Variants in ADCY9 observed in about 807,000 individuals in gnomAD.
The protein encoded by ADCY9 is adenylate cyclase 9.
A neutral mutation model predicts 101.5 loss-of-function variants in ADCY9; 50 were observed. The observed-to-expected ratio is 0.49, with a 90% CI of 0.39 to 0.62. ADCY9 has a LOEUF of 0.62. Among genes scored for constraint, ADCY9 ranks in the 20% least tolerant of loss-of-function variants. The pLI is 0.00. For synonymous variants in ADCY9, 905 were observed against 769.3 expected, an observed-to-expected ratio of 1.18 and a Z score of -2.92; for missense variants, 1,662 against 1,800.4, an observed-to-expected ratio of 0.92 and a Z score of 1.39.
At chr16:3,983,632 T>A in intron 6 of ADCY9, 192 bp from the exon 7 acceptor site, 1 of 574,906 alleles carries the variant, frequency 1.7e-6, no homozygotes, top group Non-Finnish European at 3.1e-6. Context: ...ACAGAGAAGT[T>A]AAACTTGCCC....
intron 2 of ADCY9, among the ~76,000 whole-genome samples, chr16:4,080,376 TGAGACTA>T (rs1188043103): frequency 6.6e-6 from 1 of 152,152 alleles, no homozygotes; most frequent in African/African-American, 2.4e-5. Context: ...CCCGAGTAGC[TGAGACTA>T]CAGGCGTGCG....
intron 3 of ADCY9, among the ~76,000 whole-genome samples, chr16:4,000,714 A>C (rs2056323733): frequency 6.6e-6 from 1 of 151,928 alleles, no homozygotes; most frequent in East Asian, 1.9e-4. Context: ...TGGACCTCTC[A>C]CTCAATCCCT....
intron 3 of ADCY9, among the ~76,000 whole-genome samples, chr16:3,996,023 A>G (rs1238470441): frequency 6.6e-6 from 1 of 152,158 alleles, no homozygotes; most frequent in Admixed American, 6.6e-5. Context: ...ACATACAGTG[A>G]GTCTATTTGA....
At chr16:4,079,655 G>C (rs775588433) in intron 2 of ADCY9, among the ~76,000 whole-genome samples, 2 of 151,926 alleles carry the variant, frequency 1.3e-5, no homozygotes, top group Admixed American at 6.6e-5. Context: ...GGTGTTTAAT[G>C]GTGTTAATGG....
chr16:4,073,814 G>C (rs1452140293), intron 2 of ADCY9, among the ~76,000 whole-genome samples: 2 of 121,976 alleles, frequency 1.6e-5, no homozygotes, highest in Non-Finnish European at 3.6e-5. Context: ...TTTCAGTCGG[G>C]AGATGAGACA....
intron 10 of ADCY9, among the ~76,000 whole-genome samples, chr16:3,968,667 C>T (rs1294534706): frequency 6.6e-6 from 1 of 152,126 alleles, no homozygotes; most frequent in African/African-American, 2.4e-5. Flanking sequence ...CCAGATTCCC[C>T]CTGATGGAAC....
chr16:3,970,959 C>T (rs2056046355), intron 10 of ADCY9, among the ~76,000 whole-genome samples: 1 of 152,148 alleles, frequency 6.6e-6, no homozygotes, highest in African/African-American at 2.4e-5. Flanking sequence ...GAAAGACCTG[C>T]CTGCAAAGGT....
intron 10 of ADCY9, 142 bp downstream of exon 10, chr16:3,974,527 G>C: frequency 1.6e-6 from 1 of 625,376 alleles, no homozygotes; most frequent in Non-Finnish European, 2.9e-6. Flanking sequence ...TCAACGAGGA[G>C]ATATTTTCCA....
Position 3,992,174 on chromosome 16 carries a change from G to A in ADCY9, c.2179C>T (p.His727Tyr). ...TCTTCTTTGATAACGTCCACAAAGTGGGCGTCCGTTTTCTCCCGGATGTTC... is the reference window on the plus strand; with the variant it reads ...TCTTCTTTGATAACGTCCACAAAGTAGGCGTCCGTTTTCTCCCGGATGTTC... ...FKNIREKTDA[H>Y]FVDVIKEDSL... Residue 727 changes from histidine to tyrosine, a missense_variant, in exon 5 of 11, where the codon CAC becomes TAC. This residue lies in a region of ADCY9 where 624 missense variants were observed against 639.1 expected (regional missense o/e 0.98). Coordinates refer to ENST00000294016, the MANE Select transcript of ADCY9 (RefSeq NM_001116.4). This position sits in a 1 kb window ranked among gnomAD's most constrained non-coding sequence, Gnocchi z 4.2. 1.2e-6 allele frequency: 2 copies of A among 1,614,206 alleles called. No individual in the cohort carries two copies. Among genetic ancestry groups the A allele is most frequent in the Non-Finnish European group, 1.7e-6 (2 of 1,180,038 alleles).
intron 2 of ADCY9, among the ~76,000 whole-genome samples, chr16:4,105,936 G>A (rs1055627071): frequency 1.4e-4 from 22 of 152,202 alleles, no homozygotes; most frequent in Middle Eastern, 3.4e-3. Flanking sequence ...CCTGACTGTC[G>A]GGGCCCAGCA....
intron 2 of ADCY9, among the ~76,000 whole-genome samples, chr16:4,088,819 T>C (rs541463923): frequency 1.3e-5 from 2 of 152,104 alleles, no homozygotes; most frequent in Non-Finnish European, 2.9e-5. Context: ...CAGCTTTATA[T>C]AGAGAGAATT....
chr16:4,039,632 T>A (rs1169463172), intron 2 of ADCY9, among the ~76,000 whole-genome samples: 2 of 138,190 alleles, frequency 1.4e-5, no homozygotes, highest in Non-Finnish European at 3.0e-5. Flanking sequence ...TGAGCCGAGA[T>A]CGCACCATTT....
intron 2 of ADCY9, among the ~76,000 whole-genome samples, chr16:4,058,421 C>G (rs1026906229): frequency 6.7e-6 from 1 of 149,348 alleles, no homozygotes; most frequent in Non-Finnish European, 1.5e-5. Flanking sequence ...GCCAAGATCG[C>G]CCCACTGCAC....
At chr16:4,019,883 G>C (rs2056462990) in intron 2 of ADCY9, among the ~76,000 whole-genome samples, 1 of 152,166 alleles carries the variant, frequency 6.6e-6, no homozygotes, top group South Asian at 2.1e-4. Flanking sequence ...TTTGAGACCA[G>C]CCTGGCCAAC....
chr16:4,091,690 G>A lies in ADCY9; in HGVS notation c.1693+22060C>T, dbSNP rs150779850. On this transcript the variant is annotated intron_variant, in intron 2 of 10. Coordinates refer to ENST00000294016, the MANE Select transcript of ADCY9 (RefSeq NM_001116.4). ...AATGAACCTTGGAAACATGCTGAGC[G>A]AGAGAATCCAGACACACAAAGCCAC... Among the ~76,000 whole-genome samples, 586 of 152,322 alleles carry A rather than the reference G, an allele frequency of 3.8e-3. 2 individuals are homozygous for A. The highest frequency in any genetic ancestry group is 5.6e-3 in the Non-Finnish European group (384 of 68,042).
chr16:3,974,208 A>T (rs1456394654), intron 10 of ADCY9, among the ~76,000 whole-genome samples: 2 of 152,034 alleles, frequency 1.3e-5, no homozygotes, highest in Non-Finnish European at 2.9e-5. Flanking sequence ...TGCCCAGCTA[A>T]TTTTTTGTAT....
chr16:3,986,572 C>T (rs989815648), intron 6 of ADCY9, among the ~76,000 whole-genome samples: 1 of 152,210 alleles, frequency 6.6e-6, no homozygotes, highest in African/African-American at 2.4e-5. Flanking sequence ...ATTTTCCTGT[C>T]TCAGCTTCCC....
chr16:4,062,849 G>A (rs2056780578), intron 2 of ADCY9, among the ~76,000 whole-genome samples: 1 of 152,052 alleles, frequency 6.6e-6, no homozygotes, highest in South Asian at 2.1e-4. Flanking sequence ...ATACAATAAA[G>A]CAAACACTGA....
downstream of ADCY9, among the ~76,000 whole-genome samples, chr16:3,960,654 G>A (rs935606286): frequency 4.6e-5 from 7 of 151,824 alleles, no homozygotes; most frequent in Admixed American, 2.0e-4. Flanking sequence ...TCCCCACCCC[G>A]GAAAAAAAAC....
Sources: allele counts gnomAD v4.1 joint callset (sites outside exome capture counted in the v4.1 genomes callset), GRCh38; gene constraint gnomAD v4.1.1; regional missense constraint gnomAD v4.1.1; non-coding constraint Gnocchi (gnomAD v3.1); transcripts MANE v1.5; gene names NCBI Gene and HGNC (gene_info 2026-07-23, HGNC 2026-07-21).